The following DDX4 variants were observed in gnomAD, a reference collection of about 807,000 sequenced individuals.
The protein encoded by DDX4 is DEAD-box helicase 4, also known as probable ATP-dependent RNA helicase DDX4.
DDX4 carries 25 observed loss-of-function variants against 100.0 expected under a neutral mutation model. That is an observed-to-expected ratio of 0.25 (90% confidence interval 0.18 to 0.35). DDX4 has a LOEUF of 0.35. DDX4 is among the 10% of genes least tolerant of loss of function. DDX4 has a pLI of 1.00. For synonymous variants in DDX4, 259 were observed against 275.7 expected, an observed-to-expected ratio of 0.94 and a Z score of 0.60; for missense variants, 635 against 882.4, an observed-to-expected ratio of 0.72 and a Z score of 3.55.
At chr5:55,778,533 A>G (rs1342398924) in intron 7 of DDX4, among the ~76,000 whole-genome samples, 1 of 152,212 alleles carries the variant, frequency 6.6e-6, no homozygotes, top group Non-Finnish European at 1.5e-5. Flanking sequence ...AGAAACAGAT[A>G]CAATAGAGTG....
Position 55,787,974 on chromosome 5 carries a change from T to C in DDX4, c.1146T>C (p.Tyr382=). ...APTRELVNQI[Y]LEARKFSFGT... The stretch of plus-strand genomic sequence containing the variant: ...CTCGAGAATTGGTCAACCAGATTTA[T>C]TTGGAAGCCAGAAAATTTTCTTTTG... Residue 382 remains tyrosine (Y), a synonymous_variant, in exon 15 of 22, where the codon TAT becomes TAC. Coordinates refer to ENST00000505374, the MANE Select transcript of DDX4 (RefSeq NM_024415.3). 1 of 1,613,246 alleles carries C rather than the reference T, an allele frequency of 6.2e-7. No individual in the cohort carries two copies. The highest frequency in any genetic ancestry group is 1.1e-5 in the South Asian group (1 of 90,814).
chr5:55,783,663 ATGG>A (rs1742063460), intron 10 of DDX4, among the ~76,000 whole-genome samples: 1 of 125,506 alleles, frequency 8.0e-6, no homozygotes, highest in Non-Finnish European at 1.7e-5. Flanking sequence ...GGATGGATGG[ATGG>A]ATGGATGGAT....
At chr5:55,772,448 G>A (rs977680009) in intron 7 of DDX4, among the ~76,000 whole-genome samples, 1 of 152,018 alleles carries the variant, frequency 6.6e-6, no homozygotes, top group East Asian at 1.9e-4. Context: ...TTGTACCATT[G>A]CCCCATAATC....
rs1160621818 is a variant in DDX4, at chr5:55,793,065, T to TGTGTTTGTGTG, written c.1469+258_1469+259insGTGTTTGTGTG. Among the ~76,000 whole-genome samples the TGTGTTTGTGTG allele has an allele frequency of 6.5e-3, 968 of 148,934 alleles. 7 individuals are homozygous for TGTGTTTGTGTG. Among genetic ancestry groups the TGTGTTTGTGTG allele is most frequent in the African/African-American group, 0.022 (886 of 40,314 alleles). ...GTGTGTGTGTGTGTGTTTGTGTGTG[T>TGTGTTTGTGTG]TGTTGTTGTTGTTGCATAGAATCCA... On this transcript the variant is annotated intron_variant, in intron 17 of 21. Transcript: ENST00000505374.
Position 55,766,039 on chromosome 5 carries a change from A to T in DDX4, c.335-1842A>T, listed in dbSNP as rs113662146. 4.5e-3 allele frequency among the ~76,000 whole-genome samples: 670 copies of T among 148,882 alleles called. 3 individuals carry two copies. Among genetic ancestry groups the T allele is most frequent in the African/African-American group, 0.016 (633 of 40,304 alleles). On this transcript the variant is annotated intron_variant, in intron 6 of 21. Coordinates refer to ENST00000505374, the MANE Select transcript of DDX4 (RefSeq NM_024415.3). ...TCGTCACGTTGGCCAGGCTGGTCTC[A>T]AACTCCTGACCTCACGATCTGCCTG...
At chr5:55,752,860 T>G (rs1759655262) in intron 3 of DDX4, among the ~76,000 whole-genome samples, 1 of 149,608 alleles carries the variant, frequency 6.7e-6, no homozygotes, top group African/African-American at 2.5e-5. Context: ...TTCCTGACTT[T>G]TGAATGATTG....
chr5:55,782,576 G>A, intron 10 of DDX4, among the ~76,000 whole-genome samples: 1 of 151,612 alleles, frequency 6.6e-6, no homozygotes. Flanking sequence ...CCAGCCTGGT[G>A]ACAGAGCGAG....
At chr5:55,741,596 T>C (rs891542441) in intron 2 of DDX4, among the ~76,000 whole-genome samples, 1 of 152,198 alleles carries the variant, frequency 6.6e-6, no homozygotes, top group African/African-American at 2.4e-5. Flanking sequence ...GAGACCAGCC[T>C]GGCCAACATA....
chr5:55,766,373 G>A (rs1740925845), intron 6 of DDX4, among the ~76,000 whole-genome samples: 1 of 150,828 alleles, frequency 6.6e-6, no homozygotes, highest in Non-Finnish European at 1.5e-5. Context: ...GTTTATTTTA[G>A]GGAAATAATT....
chr5:55,767,856 T>C, intron 6 of DDX4, 25 bp from the exon 7 acceptor site: 1 of 1,591,734 alleles, frequency 6.3e-7, no homozygotes, highest in South Asian at 1.1e-5. Context: ...TTAAATGCTA[T>C]TTACATGTTA....
At chr5:55,765,676 T>G (rs933176497) in intron 6 of DDX4, among the ~76,000 whole-genome samples, 2 of 152,050 alleles carry the variant, frequency 1.3e-5, no homozygotes, top group African/African-American at 4.8e-5. Flanking sequence ...AGCCTGTAAC[T>G]TTCTGCTTTT....
intron 18 of DDX4, among the ~76,000 whole-genome samples, chr5:55,808,553 C>A (rs565566814): frequency 1.3e-5 from 2 of 152,350 alleles, no homozygotes; most frequent in South Asian, 2.1e-4. Context: ...CCCTCAGCTG[C>A]AGGTCTGTTG....
At chr5:55,787,049 C>T (rs1742291581) in intron 14 of DDX4, among the ~76,000 whole-genome samples, 1 of 152,214 alleles carries the variant, frequency 6.6e-6, no homozygotes, top group African/African-American at 2.4e-5. Flanking sequence ...AACAGTTATG[C>T]ATTGTGCATG....
intron 3 of DDX4, among the ~76,000 whole-genome samples, chr5:55,759,040 C>T (rs2111765509): frequency 6.6e-6 from 1 of 151,954 alleles, no homozygotes; most frequent in Middle Eastern, 3.4e-3. Flanking sequence ...AGGTGTGCAC[C>T]ACCACACCCA....
At chr5:55,755,515 G>A (rs549514161) in intron 3 of DDX4, among the ~76,000 whole-genome samples, 1 of 152,106 alleles carries the variant, frequency 6.6e-6, no homozygotes, top group East Asian at 1.9e-4. Flanking sequence ...TTGTACTATT[G>A]GATGAAATTA....
At chr5:55,754,577 G>C (rs1421985786) in intron 3 of DDX4, among the ~76,000 whole-genome samples, 1 of 150,610 alleles carries the variant, frequency 6.6e-6, no homozygotes, top group Non-Finnish European at 1.5e-5. Flanking sequence ...CGGTTTGCCA[G>C]TATTTTATTG....
At chr5:55,813,112 A>G (rs1255515564) in intron 18 of DDX4, among the ~76,000 whole-genome samples, 1 of 152,158 alleles carries the variant, frequency 6.6e-6, no homozygotes, top group Non-Finnish European at 1.5e-5. Context: ...ATATTCCTTA[A>G]CAAGTTAAGA....
chr5:55,798,463 G>T lies in DDX4; in HGVS notation c.1507G>T (p.Val503Phe). 21 of 1,612,758 alleles carry T rather than the reference G, an allele frequency of 1.3e-5. No homozygotes were observed. Among genetic ancestry groups the T allele is most frequent in the Non-Finnish European group, 1.8e-5 (21 of 1,179,288 alleles). Residue 503 changes from valine to phenylalanine, a missense_variant, in exon 18 of 22, where the codon GTT becomes TTT. Val to Phe is a conservative substitution (Grantham distance 50). This residue lies in a region of DDX4 where 115 missense variants were observed against 224.7 expected (regional missense o/e 0.51). Coordinates refer to ENST00000505374, the MANE Select transcript of DDX4 (RefSeq NM_024415.3). ...AEFLKSNYLF[V>F]AVGQVGGACR... ...GTTTTTAAAGTCAAATTATCTGTTT[G>T]TTGCTGTTGGACAAGTGGGTGGAGC...
At chr5:55,792,970 T>C (rs1214773167) in intron 17 of DDX4, among the ~76,000 whole-genome samples, 163 bp downstream of exon 17, 1 of 152,044 alleles carries the variant, frequency 6.6e-6, no homozygotes, top group Non-Finnish European at 1.5e-5. Flanking sequence ...ACATTTTCCA[T>C]TGTTTCTTAC....
Sources: gnomAD v4.1 joint callset for allele counts (sites outside exome capture counted in the v4.1 genomes callset) on GRCh38, gnomAD v4.1.1 for gene constraint, gnomAD v4.1.1 regional missense constraint, MANE v1.5 for transcripts, NCBI Gene and HGNC (gene_info 2026-07-23, HGNC 2026-07-21) for gene names.